LMX1A: variants seen among roughly 807,000 people sequenced by gnomAD.
LMX1A encodes LIM homeobox transcription factor 1-alpha.
Under a neutral mutation model 49.1 loss-of-function variants are expected in LMX1A, and 15 were observed. That is an observed-to-expected ratio of 0.31 (90% confidence interval 0.20 to 0.47). The LOEUF (loss-of-function observed/expected upper bound fraction) is 0.47. Among genes scored for constraint, LMX1A ranks in the 20% least tolerant of loss-of-function variants. The pLI, the probability that LMX1A is intolerant of heterozygous loss-of-function variation, is 1.00. For missense variants in LMX1A, 372 were observed against 475.8 expected (o/e 0.78, Z 2.03); for synonymous variants, 167 against 185.7 (o/e 0.90, Z 0.82).
chr1:165,337,737 T>C (rs76503681), intron 3 of LMX1A, among the ~76,000 whole-genome samples: 3,189 of 152,248 alleles, frequency 0.021, 120 homozygotes, highest in African/African-American at 0.073. Flanking sequence ...TCTAAGGATA[T>C]GGGTTGGGTT....
intron 3 of LMX1A, among the ~76,000 whole-genome samples, chr1:165,324,543 CAGG>C (rs1274739235): frequency 2.0e-5 from 3 of 152,034 alleles, no homozygotes; most frequent in Non-Finnish European, 4.4e-5. Flanking sequence ...CATCCAGCTC[CAGG>C]AGGACAAACG....
At chr1:165,300,362 A>G (rs1043833682) in intron 3 of LMX1A, among the ~76,000 whole-genome samples, 10 of 152,166 alleles carry the variant, frequency 6.6e-5, no homozygotes, top group African/African-American at 2.4e-4. Context: ...GCAGCTTCCA[A>G]GACTTTCCTC....
chr1:165,234,447 C>T (rs1857360), intron 4 of LMX1A, among the ~76,000 whole-genome samples: 19,267 of 152,042 alleles, frequency 0.13, 1,298 homozygotes, highest in Admixed American at 0.15. Context: ...TATATCTCTA[C>T]GATAATATTA....
intron 4 of LMX1A, among the ~76,000 whole-genome samples, chr1:165,223,601 C>A (rs1651932248): frequency 1.3e-5 from 2 of 152,180 alleles, no homozygotes; most frequent in African/African-American, 4.8e-5. Context: ...ACAGGGAGGT[C>A]CAAATCTATC....
At chr1:165,325,831 G>A (rs964938806) in intron 3 of LMX1A, among the ~76,000 whole-genome samples, 2 of 151,982 alleles carry the variant, frequency 1.3e-5, no homozygotes, top group Non-Finnish European at 2.9e-5. Context: ...TAATAAACCT[G>A]GAAAACACAA....
intron 4 of LMX1A, among the ~76,000 whole-genome samples, chr1:165,247,225 C>A (rs1652893889): frequency 6.6e-6 from 1 of 151,734 alleles, no homozygotes; most frequent in African/African-American, 2.4e-5. Context: ...AAGGCTAGAC[C>A]ACAGCATTTA....
At chr1:165,259,122 A>T (rs1250065556) in intron 3 of LMX1A, among the ~76,000 whole-genome samples, 1 of 152,234 alleles carries the variant, frequency 6.6e-6, no homozygotes, top group Non-Finnish European at 1.5e-5. Flanking sequence ...CTGAGCCAAA[A>T]ATAGAACTTT....
At chr1:165,261,678 A>G (rs561443311) in intron 3 of LMX1A, among the ~76,000 whole-genome samples, 9 of 152,220 alleles carry the variant, frequency 5.9e-5, no homozygotes, top group Admixed American at 1.3e-4. Flanking sequence ...AATGTGGTAT[A>G]TGCCTACAAT....
chr1:165,208,943 G>A (rs1651239295), intron 6 of LMX1A, among the ~76,000 whole-genome samples: 1 of 152,156 alleles, frequency 6.6e-6, no homozygotes, highest in Non-Finnish European at 1.5e-5. Context: ...CACCACGCCC[G>A]GCCCCCTGAA....
rs370812848 is a variant in LMX1A, at chr1:165,284,741, T to G, written c.264-35101A>C. Reference sequence around the variant, plus strand: ...AGCAGGTTTGCCAACACGGAAGTCCTTCAGCTTACAAAGCGTTGGCCACCC... The same window carrying G: ...AGCAGGTTTGCCAACACGGAAGTCCGTCAGCTTACAAAGCGTTGGCCACCC... On this transcript the variant is annotated intron_variant, in intron 3 of 8. Transcript: ENST00000342310. Among the ~76,000 whole-genome samples the G allele has an allele frequency of 7.9e-3, 1,208 of 152,348 alleles. 14 individuals are homozygous for G. The highest frequency in any genetic ancestry group is 0.028 in the African/African-American group (1,162 of 41,586).
At chr1:165,303,005 T>C (rs1571211561) in intron 3 of LMX1A, among the ~76,000 whole-genome samples, 1 of 152,252 alleles carries the variant, frequency 6.6e-6, no homozygotes, top group African/African-American at 2.4e-5. Flanking sequence ...TATTCTTCTA[T>C]TCTTTTTACA....
At chr1:165,206,126 T>G in intron 7 of LMX1A, 92 bp from the exon 8 acceptor site, 1 of 1,244,890 alleles carries the variant, frequency 8.0e-7, no homozygotes, top group African/African-American at 1.5e-5. Flanking sequence ...TAAAATAAAA[T>G]GGGATGAGGT....
intron 4 of LMX1A, 145 bp from the exon 5 acceptor site, chr1:165,213,958 G>A (rs1306328598): frequency 4.2e-6 from 3 of 707,280 alleles, no homozygotes; most frequent in Non-Finnish European, 7.0e-6. Flanking sequence ...TGCTTTGAAA[G>A]CTTCCAGGAA....
At chr1:165,222,888 T>C (rs750245038) in intron 4 of LMX1A, among the ~76,000 whole-genome samples, 1 of 152,196 alleles carries the variant, frequency 6.6e-6, no homozygotes, top group Non-Finnish European at 1.5e-5. Flanking sequence ...CAGGGTCAGA[T>C]ACCTAGCCTT....
intron 3 of LMX1A, among the ~76,000 whole-genome samples, chr1:165,333,517 C>A (rs550407784): frequency 6.6e-6 from 1 of 152,284 alleles, no homozygotes; most frequent in African/African-American, 2.4e-5. Flanking sequence ...GGCCACTTTT[C>A]TCATGGTGAT....
intron 4 of LMX1A, among the ~76,000 whole-genome samples, chr1:165,242,924 C>A (rs1652707052): frequency 2.4e-5 from 2 of 81,928 alleles, no homozygotes; most frequent in East Asian, 7.3e-4. Flanking sequence ...AGCGAAACTC[C>A]ACCTCAAAAA....
chr1:165,217,544 G>A (rs1276377686), intron 4 of LMX1A, among the ~76,000 whole-genome samples: 1 of 152,216 alleles, frequency 6.6e-6, no homozygotes, highest in East Asian at 1.9e-4. Context: ...GAAGGGGAAA[G>A]GGACGAGGGA....
rs1571241114 is a variant in LMX1A at position 165,355,418 on chromosome 1, G to C, written c.76+66C>G. 9 of 1,509,150 alleles carry C rather than the reference G, an allele frequency of 6.0e-6. No homozygotes were observed. The highest frequency in any genetic ancestry group is 7.3e-6 in the Non-Finnish European group (8 of 1,091,038). 93.5% of individuals were successfully genotyped at this position (1,509,150 alleles called of 1,614,324 possible). On this transcript the variant is annotated intron_variant, in intron 2 of 8. Transcript: ENST00000342310. This position sits in a 1 kb window ranked among gnomAD's most constrained non-coding sequence, Gnocchi z 4.7. ...TATCGCGGACCAGGTCCCAGAGAGC[G>C]GGGCTCCAGAGCTCAGCGCCAAGCG...
rs1463535293 is a variant in LMX1A, at chr1:165,355,106, C to T, written c.76+378G>A. On this transcript the variant is annotated intron_variant, in intron 2 of 8. Coordinates refer to ENST00000342310, the MANE Select transcript of LMX1A (RefSeq NM_177398.4). This position sits in a 1 kb window ranked among gnomAD's most constrained non-coding sequence, Gnocchi z 4.7. ...CCTCGAACTTGGGCGCTCCAGGCCTCGGGTCTCGGATGCTATTGCCTCTAG... is the reference window on the plus strand; with the variant it reads ...CCTCGAACTTGGGCGCTCCAGGCCTTGGGTCTCGGATGCTATTGCCTCTAG... Among the ~76,000 whole-genome samples, 1 of 152,112 alleles carries T rather than the reference C, an allele frequency of 6.6e-6. No homozygotes were observed. Among genetic ancestry groups the T allele is most frequent in the Non-Finnish European group, 1.5e-5 (1 of 68,024 alleles).
Sources: allele counts gnomAD v4.1 joint callset (sites outside exome capture counted in the v4.1 genomes callset), GRCh38; gene constraint gnomAD v4.1.1; non-coding constraint Gnocchi (gnomAD v3.1); transcripts MANE v1.5; gene names NCBI Gene and HGNC (gene_info 2026-07-23, HGNC 2026-07-21).